LRRK1: variants seen among roughly 807,000 people sequenced by gnomAD.
LRRK1 encodes leucine-rich repeat serine/threonine-protein kinase 1.
Under a neutral mutation model 209.1 loss-of-function variants are expected in LRRK1, and 113 were observed. That is an observed-to-expected ratio of 0.54 (90% CI 0.46 to 0.63). LRRK1 has a LOEUF of 0.63. Ranked by LOEUF, LRRK1 falls within the 30% of genes least tolerant of loss-of-function variation. The pLI is 0.00. For synonymous variants in LRRK1, 1,144 were observed against 1,099.7 expected (o/e 1.04, Z -0.80); for missense variants, 2,284 against 2,632.2 (o/e 0.87, Z 2.89).
chr15:100,973,812 G>T lies in LRRK1; in HGVS notation c.106G>T (p.Asp36Tyr), dbSNP rs1442417412. ...TGCTTCCTCCCGCGCAGGTGCCGGGGACACGGGCGGCAAGCCGTCCACGCG... is the reference window on the plus strand; with the variant it reads ...TGCTTCCTCCCGCGCAGGTGCCGGGTACACGGGCGGCAAGCCGTCCACGCG... The part of the protein sequence containing the change: ...RAMETLNGAG[D>Y]TGGKPSTRGG... Residue 36 changes from aspartate to tyrosine, a missense_variant, in exon 3 of 34, where the codon GAC (aspartate) becomes TAC (tyrosine). Around this residue, in one of 6 missense-constraint regions of LRRK1, gnomAD observed 174 missense variants for 133.5 expected, o/e 1.30. Coordinates refer to ENST00000388948, the MANE Select transcript of LRRK1 (RefSeq NM_024652.6). 2 of 1,292,038 alleles carry T rather than the reference G, an allele frequency of 1.5e-6. No individual in the cohort carries two copies. Among genetic ancestry groups the T allele is most frequent in the African/African-American group, 1.5e-5 (1 of 64,794 alleles). The allele number at this position is 1,292,038 out of a possible 1,614,324, so 80.0% of individuals were successfully genotyped here. A position where few individuals can be genotyped will look rare whatever the true frequency, so the allele number is the denominator to read the frequency against.
intron 2 of LRRK1, among the ~76,000 whole-genome samples, chr15:100,926,433 T>C (rs1231184879): frequency 1.3e-5 from 2 of 151,902 alleles, no homozygotes; most frequent in African/African-American, 4.8e-5. Context: ...TAGGTGACTG[T>C]GTCATCTGAA....
intron 21 of LRRK1, among the ~76,000 whole-genome samples, chr15:101,046,634 G>C (rs1027384979): frequency 6.6e-6 from 1 of 152,194 alleles, no homozygotes; most frequent in Admixed American, 6.5e-5. Flanking sequence ...AAAAGACACA[G>C]ACCACACTCC....
chr15:101,045,694 C>T (rs572499567), intron 20 of LRRK1, among the ~76,000 whole-genome samples: 22 of 152,272 alleles, frequency 1.4e-4, no homozygotes, highest in Non-Finnish European at 3.1e-4. Context: ...TTTTTAGGAC[C>T]ATGATGTTTT....
chr15:101,049,706 A>G lies in LRRK1; in HGVS notation c.3362A>G (p.Gln1121Arg), dbSNP rs773055907. Residue 1121 changes from glutamine to arginine, a missense_variant, in exon 23 of 34, where the codon CAA (glutamine) becomes CGA (arginine). Gln to Arg is a conservative substitution (Grantham distance 43, BLOSUM62 1). Coordinates refer to ENST00000388948, the MANE Select transcript of LRRK1 (RefSeq NM_024652.6). ...KKSGGMKIVC[Q>R]SEVRDFSAMA... ...AGCGGAGGAATGAAAATTGTTTGCCAATCAGAAGTGAGGGACTTCTCAGCC... is the reference window on the plus strand; with the variant it reads ...AGCGGAGGAATGAAAATTGTTTGCCGATCAGAAGTGAGGGACTTCTCAGCC... 65 of 1,614,062 alleles carry G rather than the reference A, an allele frequency of 4.0e-5. No homozygotes were observed. The highest frequency in any genetic ancestry group is 5.1e-5 in the Non-Finnish European group (60 of 1,180,020).
chr15:101,055,966 T>G (rs940701954), intron 27 of LRRK1, among the ~76,000 whole-genome samples: 4 of 152,234 alleles, frequency 2.6e-5, no homozygotes, highest in Non-Finnish European at 5.9e-5. Context: ...TGTGCATGTA[T>G]GGATTAGCTC....
intron 20 of LRRK1, among the ~76,000 whole-genome samples, chr15:101,040,999 A>T (rs539174207): frequency 1.3e-5 from 2 of 152,294 alleles, no homozygotes; most frequent in South Asian, 4.2e-4. Flanking sequence ...TAAGAGAGAG[A>T]TGGTAAAATA....
In LRRK1 at chr15:101,074,560, T is replaced by C. The variant is rs764548684; in HGVS notation, c.*5712T>C. 6.6e-6 allele frequency: 1 copy of C among 152,198 alleles called. No homozygotes were observed. Among genetic ancestry groups the C allele is most frequent in the Non-Finnish European group, 1.5e-5 (1 of 68,046 alleles). The allele number at this position is 152,198 out of a possible 1,614,324, so 9.4% of individuals were successfully genotyped here. A position where few individuals can be genotyped will look rare whatever the true frequency, so the allele number is the denominator to read the frequency against. On this transcript the variant is annotated 3_prime_UTR_variant, in exon 34 of 34. Coordinates refer to ENST00000388948, the MANE Select transcript of LRRK1 (RefSeq NM_024652.6). Reference sequence around the variant, plus strand: ...GCCCAAAAGGCCGTCTTATTCTCAATATATATTTTATCACCCAATCTGCTC... The same window carrying C: ...GCCCAAAAGGCCGTCTTATTCTCAACATATATTTTATCACCCAATCTGCTC...
At chr15:101,063,927 A>G (rs1476548466) in intron 31 of LRRK1, among the ~76,000 whole-genome samples, 2 of 152,142 alleles carry the variant, frequency 1.3e-5, no homozygotes, top group East Asian at 1.9e-4. Flanking sequence ...AACACGACAC[A>G]AAGTGTTATT....
intron 13 of LRRK1, 67 bp from the exon 14 acceptor site, chr15:101,021,778 G>A: frequency 6.1e-4 from 1 of 1,638 alleles, no homozygotes; most frequent in African/African-American, 7.7e-4. Flanking sequence ...GTGTGTGCGT[G>A]TGTGTGTGTG....
At position 101,065,620 on chromosome 15, in the gene LRRK1, A is replaced by G. The variant is rs2141163581; in HGVS notation, c.5183A>G (p.Glu1728Gly). 1 of 1,614,160 alleles carries G rather than the reference A, an allele frequency of 6.2e-7. No homozygotes were observed. Among genetic ancestry groups the G allele is most frequent in the Non-Finnish European group, 8.5e-7 (1 of 1,180,028 alleles). ...TCCCTGGAGATCTGCAGGCGGCTGG[A>G]GCCCTACATGGCCCCCTCCATGGTT... is the stretch of plus-strand genomic sequence containing the variant. ...CASLEICRRL[E>G]PYMAPSMVTS... The change falls in exon 32 of 34, where the codon GAG becomes GGG. Residue 1728 changes from glutamate to glycine, a missense_variant. This residue lies in a region of LRRK1 where 643 missense variants were observed against 695.9 expected (regional missense o/e 0.92). Transcript: ENST00000388948.
Position 101,022,322 on chromosome 15 carries a change from G to A in LRRK1, c.1853-61G>A. 6.7e-7 allele frequency: 1 copy of A among 1,489,828 alleles called. No homozygotes were observed. Among genetic ancestry groups the A allele is most frequent in the Non-Finnish European group, 9.3e-7 (1 of 1,070,760 alleles). 92.3% of individuals were successfully genotyped at this position (1,489,828 alleles called of 1,614,324 possible). A position where few individuals can be genotyped will look rare whatever the true frequency, so the allele number is the denominator to read the frequency against. On this transcript the variant is annotated intron_variant, in intron 14 of 33. Transcript: ENST00000388948. The surrounding 1 kb of genome is among the most constrained non-coding windows in gnomAD (Gnocchi z 4.0). Reference sequence around the variant, plus strand: ...GAGTTCCTTCACAACAGGATTTTGTGTCCTAAGAGATGTGAGCATGTGCCC... The same window carrying A: ...GAGTTCCTTCACAACAGGATTTTGTATCCTAAGAGATGTGAGCATGTGCCC...
chr15:100,955,774 A>G (rs2042741683), intron 2 of LRRK1, among the ~76,000 whole-genome samples: 1 of 151,970 alleles, frequency 6.6e-6, no homozygotes, highest in Admixed American at 6.6e-5. Context: ...TATTCTGTTA[A>G]TGTGGTGTAT....
At chr15:100,926,680 C>CTTTTTTTTT (rs71151990) in intron 2 of LRRK1, among the ~76,000 whole-genome samples, 153 of 81,828 alleles carry the variant, frequency 1.9e-3, no homozygotes, top group Non-Finnish European at 2.4e-3. Flanking sequence ...TTCTTTTTTT[C>CTTTTTTTTT]TTTTTTTTTT....
At chr15:101,054,855 T>C (rs571858824) in intron 26 of LRRK1, 91 bp from the exon 27 acceptor site, 2 of 1,121,268 alleles carry the variant, frequency 1.8e-6, no homozygotes, top group Non-Finnish European at 2.6e-6. Context: ...TCTAGGGAGA[T>C]CGGAAGACAA....
intron 12 of LRRK1, among the ~76,000 whole-genome samples, chr15:101,017,981 G>C (rs2033618922): frequency 6.6e-6 from 1 of 151,982 alleles, no homozygotes; most frequent in South Asian, 2.1e-4. Context: ...TTAAAATCTA[G>C]TTGGAAAATC....
At chr15:101,043,154 C>T (rs911165222) in intron 20 of LRRK1, among the ~76,000 whole-genome samples, 2 of 152,242 alleles carry the variant, frequency 1.3e-5, no homozygotes, top group Non-Finnish European at 2.9e-5. Flanking sequence ...CGCCACTCTG[C>T]GTCCTCAGCT....
Position 101,071,633 on chromosome 15 carries a change from GC to G in LRRK1, c.*2788del, listed in dbSNP as rs2036809363. The G allele has an allele frequency of 6.6e-6, 1 of 152,084 alleles. No homozygotes were observed. The highest frequency in any genetic ancestry group is 1.5e-5 in the Non-Finnish European group (1 of 68,006). 9.4% of individuals were successfully genotyped at this position (152,084 alleles called of 1,614,324 possible). ...TTGAACTCCTGAGCTCAGGTGATCC[GC>G]CCGCCTCATCCTCCCAAAGTGCTGG... is the stretch of plus-strand genomic sequence containing the variant. On this transcript the variant is annotated 3_prime_UTR_variant, in exon 34 of 34. Coordinates refer to ENST00000388948, the MANE Select transcript of LRRK1 (RefSeq NM_024652.6).
intron 2 of LRRK1, among the ~76,000 whole-genome samples, chr15:100,967,948 G>A (rs958629746): frequency 6.6e-6 from 1 of 152,168 alleles, no homozygotes; most frequent in African/African-American, 2.4e-5. Flanking sequence ...TGGACTGCTT[G>A]ATAAGTTTTG....
In LRRK1 at chr15:101,015,889, C is replaced by T. The variant is rs1001149856; in HGVS notation, c.1609+487C>T. Reference sequence around the variant, plus strand: ...AGCTGGATATCTGAGAGGAGGGTGCCAGCACTGTCAGGGGCTTGCGAGGGC... The same window carrying T: ...AGCTGGATATCTGAGAGGAGGGTGCTAGCACTGTCAGGGGCTTGCGAGGGC... On this transcript the variant is annotated intron_variant, in intron 12 of 33. Coordinates refer to ENST00000388948, the MANE Select transcript of LRRK1 (RefSeq NM_024652.6). Among the ~76,000 whole-genome samples, 2 of 152,130 alleles carry T rather than the reference C, an allele frequency of 1.3e-5. 1 individual carries two copies. The highest frequency in any genetic ancestry group is 2.9e-5 in the Non-Finnish European group (2 of 68,020).
Sources: allele counts gnomAD v4.1 joint callset (sites outside exome capture counted in the v4.1 genomes callset), GRCh38; gene constraint gnomAD v4.1.1; regional missense constraint gnomAD v4.1.1; non-coding constraint Gnocchi (gnomAD v3.1); transcripts MANE v1.5; gene names NCBI Gene and HGNC (gene_info 2026-07-23, HGNC 2026-07-21).